Variants in FHIT observed in about 807,000 individuals in gnomAD.
The protein encoded by FHIT is bis(5'-adenosyl)-triphosphatase.
In FHIT, 19 loss-of-function variants were observed where a neutral mutation model predicts 17.9. That is an observed-to-expected ratio of 1.06 (90% confidence interval 0.74 to 1.56). The LOEUF is 1.56. Among genes scored for constraint, FHIT ranks in the 40% most tolerant of loss-of-function variants. The pLI is 0.00. For missense variants in FHIT, 248 were observed against 189.2 expected, an observed-to-expected ratio of 1.31 and a Z score of -1.82; for synonymous variants, 81 against 69.7, an observed-to-expected ratio of 1.16 and a Z score of -0.81.
chr3:61,095,734 C>T (rs748291865), intron 2 of FHIT, among the ~76,000 whole-genome samples: 1 of 152,170 alleles, frequency 6.6e-6, no homozygotes, highest in South Asian at 2.1e-4. Flanking sequence ...TGCTTTTTCG[C>T]TGCCACCACA....
At chr3:60,522,012 C>G (rs1463725678) in intron 5 of FHIT, among the ~76,000 whole-genome samples, 1 of 151,922 alleles carries the variant, frequency 6.6e-6, no homozygotes. Flanking sequence ...AGGAGGAAAA[C>G]CAGGGACCCT....
chr3:60,390,769 A>T (rs1445222949), intron 5 of FHIT, among the ~76,000 whole-genome samples: 1 of 152,170 alleles, frequency 6.6e-6, no homozygotes, highest in Non-Finnish European at 1.5e-5. Flanking sequence ...ATAAAAAAAT[A>T]CACTAAAGAT....
chr3:60,753,520 T>G (rs1384805069), intron 4 of FHIT, among the ~76,000 whole-genome samples: 1 of 152,238 alleles, frequency 6.6e-6, no homozygotes, highest in Non-Finnish European at 1.5e-5. Context: ...CTCTCCAATT[T>G]CATTTGGGAG....
intron 3 of FHIT, among the ~76,000 whole-genome samples, chr3:60,941,950 T>G (rs1708426690): frequency 1.3e-5 from 2 of 152,202 alleles, no homozygotes; most frequent in Admixed American, 1.3e-4. Context: ...ACTCTCACTT[T>G]TCCTATACTG....
chr3:60,106,721 G>A (rs541216139), intron 5 of FHIT, among the ~76,000 whole-genome samples: 7 of 152,098 alleles, frequency 4.6e-5, no homozygotes, highest in South Asian at 2.1e-4. Flanking sequence ...TGTAGTGTAC[G>A]CCCATTGGTC....
intron 7 of FHIT, among the ~76,000 whole-genome samples, chr3:59,923,119 G>C (rs1025249860): frequency 6.7e-6 from 1 of 148,814 alleles, no homozygotes; most frequent in African/African-American, 2.5e-5. Context: ...CAAAAACTTA[G>C]GAGGCTGAGG....
At chr3:59,862,789 C>G (rs80120862) in intron 8 of FHIT, among the ~76,000 whole-genome samples, 1 of 152,118 alleles carries the variant, frequency 6.6e-6, no homozygotes, top group South Asian at 2.1e-4. Context: ...AGAGGGACTC[C>G]GTTTCACTGG....
intron 3 of FHIT, among the ~76,000 whole-genome samples, chr3:60,933,094 G>A (rs1169292692): frequency 3.9e-5 from 6 of 152,288 alleles, no homozygotes; most frequent in African/African-American, 1.4e-4. Context: ...AATTATAAAT[G>A]ATTAAAAATA....
chr3:60,145,115 C>T (rs1345450550), intron 5 of FHIT, among the ~76,000 whole-genome samples: 2 of 151,970 alleles, frequency 1.3e-5, no homozygotes, highest in African/African-American at 2.4e-5. Context: ...CATTTGAAAT[C>T]TTATTCATAT....
chr3:59,914,656 T>G (rs1705046524), intron 8 of FHIT, among the ~76,000 whole-genome samples: 1 of 152,232 alleles, frequency 6.6e-6, no homozygotes, highest in Non-Finnish European at 1.5e-5. Flanking sequence ...TATTTTGATT[T>G]TCTTCATTAA....
chr3:60,284,845 T>C (rs1004224516), intron 5 of FHIT, among the ~76,000 whole-genome samples: 1 of 152,152 alleles, frequency 6.6e-6, no homozygotes, highest in Non-Finnish European at 1.5e-5. Flanking sequence ...AATACTGTAC[T>C]AGAATTTTGT....
intron 5 of FHIT, among the ~76,000 whole-genome samples, chr3:60,444,611 C>A (rs528576896): frequency 6.6e-6 from 1 of 152,002 alleles, no homozygotes; most frequent in Non-Finnish European, 1.5e-5. Context: ...AACCAAACAC[C>A]GCATGTTCTC....
chr3:60,490,755 T>G (rs541109691), intron 5 of FHIT, among the ~76,000 whole-genome samples: 31 of 152,234 alleles, frequency 2.0e-4, no homozygotes, highest in Admixed American at 3.3e-4. Context: ...TGGTATTTAC[T>G]GAGTGCTTAT....
At chr3:61,016,579 G>A (rs559050823) in intron 3 of FHIT, among the ~76,000 whole-genome samples, 13 of 152,250 alleles carry the variant, frequency 8.5e-5, no homozygotes, top group South Asian at 4.1e-4. Context: ...GCAGCTATCC[G>A]GGTACACCAA....
chr3:60,337,092 A>T (rs1710279806), intron 5 of FHIT, among the ~76,000 whole-genome samples: 1 of 152,168 alleles, frequency 6.6e-6, no homozygotes, highest in African/African-American at 2.4e-5. Context: ...TTTCTACAAG[A>T]CGGAGGTAAG....
chr3:60,080,399 A>G (rs1224669434), intron 5 of FHIT, among the ~76,000 whole-genome samples: 1 of 152,168 alleles, frequency 6.6e-6, no homozygotes, highest in Non-Finnish European at 1.5e-5. Flanking sequence ...AACCAGTTTT[A>G]GATGGACAGT....
intron 3 of FHIT, among the ~76,000 whole-genome samples, chr3:60,892,986 A>G (rs1705596393): frequency 6.6e-6 from 1 of 152,214 alleles, no homozygotes. Context: ...CAATGGGTAC[A>G]TATGACTTTT....
At chr3:60,761,498 G>C (rs553643623) in intron 4 of FHIT, among the ~76,000 whole-genome samples, 1 of 151,740 alleles carries the variant, frequency 6.6e-6, no homozygotes, top group South Asian at 2.1e-4. Context: ...AATGACTTTC[G>C]AAATATTTAC....
At chr3:60,628,769 T>TC (rs1172533761) in intron 4 of FHIT, among the ~76,000 whole-genome samples, 8 of 152,138 alleles carry the variant, frequency 5.3e-5, no homozygotes, top group African/African-American at 2.4e-5. Flanking sequence ...GGCTTGACAT[T>TC]CCCCCCACTG....
Sources: gnomAD v4.1 joint callset for allele counts (sites outside exome capture counted in the v4.1 genomes callset) on GRCh38, gnomAD v4.1.1 for gene constraint, MANE v1.5 for transcripts, NCBI Gene and HGNC (gene_info 2026-07-23, HGNC 2026-07-21) for gene names.